AGXT2: variants seen among roughly 807,000 people sequenced by gnomAD.
AGXT2 encodes the protein alanine--glyoxylate aminotransferase 2, also known as alanine--glyoxylate aminotransferase 2, mitochondrial.
A neutral mutation model predicts 62.5 loss-of-function variants in AGXT2; 61 were observed. That is an observed-to-expected ratio of 0.98 (90% CI 0.79 to 1.21). The LOEUF (loss-of-function observed/expected upper bound fraction) is 1.21, where lower values mean the gene tolerates loss of function less well. Ranked by LOEUF, AGXT2 falls within the 50% of genes most tolerant of loss-of-function variation. AGXT2 has a pLI of 0.00. For missense variants in AGXT2, 666 were observed against 641.5 expected, an observed-to-expected ratio of 1.04 and a Z score of -0.41; for synonymous variants, 243 against 218.7, an observed-to-expected ratio of 1.11 and a Z score of -0.98.
intron 5 of AGXT2, 129 bp from the exon 6 acceptor site, chr5:35,033,682 A>G (rs184049619): frequency 8.3e-5 from 61 of 730,666 alleles, no homozygotes; most frequent in Admixed American, 4.1e-4. Context: ...ATTTCTAAGA[A>G]CGCATCTAAG....
At chr5:35,003,897 GT>G in intron 12 of AGXT2, 36 bp from the exon 13 acceptor site, 2 of 1,590,716 alleles carry the variant, frequency 1.3e-6, no homozygotes, top group Non-Finnish European at 8.6e-7. Flanking sequence ...TCTATTTGGT[GT>G]TGGAATGGTT....
intron 9 of AGXT2, 98 bp downstream of exon 9, chr5:35,025,665 G>A (rs344515): frequency 0.63 from 819,665 of 1,305,670 alleles, 258,513 homozygotes; most frequent in Admixed American, 0.73. Flanking sequence ...TCACAGAGCA[G>A]AGGCTTTCTG....
intron 13 of AGXT2, among the ~76,000 whole-genome samples, chr5:35,001,616 G>C (rs1415061965): frequency 5.3e-5 from 8 of 152,240 alleles, no homozygotes; most frequent in African/African-American, 1.9e-4. Flanking sequence ...CAAAGTGTTA[G>C]GACAGTGCCT....
chr5:35,026,965 T>G, intron 7 of AGXT2: 1 of 985,386 alleles, frequency 1.0e-6, no homozygotes, highest in Non-Finnish European at 1.2e-6. Flanking sequence ...AAAGTGTCTT[T>G]GTCTTTAGAG....
chr5:35,025,935 A>G, intron 8 of AGXT2, 80 bp from the exon 9 acceptor site: 1 of 1,145,458 alleles, frequency 8.7e-7, no homozygotes, highest in South Asian at 1.3e-5. Context: ...GATCATCATT[A>G]TCATCATTAT....
intron 9 of AGXT2, among the ~76,000 whole-genome samples, chr5:35,023,782 G>A (rs1372434950): frequency 6.6e-6 from 1 of 152,124 alleles, no homozygotes; most frequent in Admixed American, 6.6e-5. Flanking sequence ...AATACACCTG[G>A]GCATAACAGA....
intron 5 of AGXT2, among the ~76,000 whole-genome samples, chr5:35,033,785 C>T (rs529082806): frequency 2.0e-5 from 3 of 152,206 alleles, no homozygotes; most frequent in Non-Finnish European, 4.4e-5. Flanking sequence ...AACATTTGTC[C>T]AAGAACTCCA....
intron 1 of AGXT2, among the ~76,000 whole-genome samples, chr5:35,042,159 G>C (rs1028332065): frequency 1.3e-5 from 2 of 152,154 alleles, no homozygotes; most frequent in Non-Finnish European, 2.9e-5. Context: ...CAAGGTTATA[G>C]GATTTATGAA....
In AGXT2 at chr5:34,998,408, C is replaced by A; in HGVS notation, c.*311G>T. 2.8e-6 allele frequency: 1 copy of A among 360,844 alleles called. No homozygotes were observed. The highest frequency in any genetic ancestry group is 3.6e-5 in the South Asian group (1 of 27,522). The allele number at this position is 360,844 out of a possible 1,614,324, so 22.4% of individuals were successfully genotyped here. A position where few individuals can be genotyped will look rare whatever the true frequency, so the allele number is the denominator to read the frequency against. On this transcript the variant is annotated 3_prime_UTR_variant, in exon 14 of 14. Transcript: ENST00000231420. Reference sequence around the variant, plus strand: ...AGATTTTTCTTCAAGATTCACTGGACAAAAATACATCACATATTCATGCAT... The same window carrying A: ...AGATTTTTCTTCAAGATTCACTGGAAAAAAATACATCACATATTCATGCAT...
chr5:35,001,603 A>C (rs1766227735), intron 13 of AGXT2, among the ~76,000 whole-genome samples: 1 of 152,192 alleles, frequency 6.6e-6, no homozygotes, highest in African/African-American at 2.4e-5. Context: ...GAGTCAGTTC[A>C]TGCAAAGTGT....
At position 35,013,016 on chromosome 5, in the gene AGXT2, G is replaced by T; in HGVS notation, c.1126C>A (p.Gln376Lys). ...EIAKSLAKCL[Q>K]HFNTFGGNPM... ...TTCCCTCCAAAGGTGTTGAAGTGCT[G>T]CAGGCATTTCGCCAAAGATTTGGCA... is the stretch of plus-strand genomic sequence containing the variant. The change falls in exon 11 of 14, where the codon CAG (glutamine) becomes AAG (lysine). Residue 376 changes from glutamine to lysine, a missense_variant. Physicochemically the swap from Gln to Lys is moderately conservative, Grantham distance 53. Coordinates refer to ENST00000231420, the MANE Select transcript of AGXT2 (RefSeq NM_031900.4). 3 of 1,551,716 alleles carry T rather than the reference G, an allele frequency of 1.9e-6. No homozygotes were observed. The highest frequency in any genetic ancestry group is 1.7e-6 in the Non-Finnish European group (2 of 1,146,984).
At chr5:35,015,031 G>GT (rs1041873729) in intron 9 of AGXT2, among the ~76,000 whole-genome samples, 2 of 152,292 alleles carry the variant, frequency 1.3e-5, no homozygotes, top group Admixed American at 6.5e-5. Context: ...GTTGACCTTA[G>GT]TTTTTTTGTG....
Position 35,040,567 on chromosome 5 carries a change from A to C in AGXT2, c.177+8T>G. 6.2e-7 allele frequency: 1 copy of C among 1,612,168 alleles called. No homozygotes were observed. The highest frequency in any genetic ancestry group is 1.3e-5 in the African/African-American group (1 of 75,008). ...CTCTTTGAGTTTTCTTAAAGCCCTG[A>C]ATCTCACCTGGTATCTTTCAGGCAT... On this transcript the variant is annotated splice_region_variant and intron_variant, in intron 2 of 13. Coordinates refer to ENST00000231420, the MANE Select transcript of AGXT2 (RefSeq NM_031900.4).
At chr5:35,045,661 G>C (rs11952373) in intron 1 of AGXT2, among the ~76,000 whole-genome samples, 43,821 of 151,914 alleles carry the variant, frequency 0.29, 6,967 homozygotes, top group Non-Finnish European at 0.37. Flanking sequence ...CCTAGGTAGA[G>C]TAGGTAAGAA....
chr5:35,037,008 G>A lies in AGXT2; in HGVS notation c.420C>T (p.Val140=). The change falls in exon 4 of 14, where the codon GTC becomes GTT. Residue 140 remains valine (V), a synonymous_variant. Coordinates refer to ENST00000231420, the MANE Select transcript of AGXT2 (RefSeq NM_031900.4). ...QLGRLWHTST[V]FFHPPMHEYA... ...ATTCATGCATTGGAGGGTGGAAGAA[G>A]ACGGTGCTTGTATGCCACAGGCGGC... is the stretch of plus-strand genomic sequence containing the variant. 6.2e-7 allele frequency: 1 copy of A among 1,614,204 alleles called. No homozygotes were observed. Among genetic ancestry groups the A allele is most frequent in the East Asian group, 2.2e-5 (1 of 44,876 alleles).
At chr5:35,036,864 C>A (rs1767785666) in intron 4 of AGXT2, 78 bp downstream of exon 4, 1 of 1,603,146 alleles carries the variant, frequency 6.2e-7, no homozygotes, top group Non-Finnish European at 8.5e-7. Flanking sequence ...TCATAAGACT[C>A]CTGTCTCTTT....
intron 9 of AGXT2, among the ~76,000 whole-genome samples, chr5:35,020,710 G>A (rs1767037968): frequency 6.6e-6 from 1 of 152,186 alleles, no homozygotes; most frequent in Non-Finnish European, 1.5e-5. Context: ...CATAGTGTTG[G>A]AAGTTCTGGC....
At chr5:35,032,678 C>A in intron 7 of AGXT2, 54 bp downstream of exon 7, 8 of 1,440,926 alleles carry the variant, frequency 5.6e-6, no homozygotes, top group Non-Finnish European at 7.7e-6. Flanking sequence ...TGCCTTTATT[C>A]GTGTCCCTTC....
chr5:35,010,843 C>T (rs900424872), intron 11 of AGXT2, among the ~76,000 whole-genome samples: 2 of 152,148 alleles, frequency 1.3e-5, no homozygotes, highest in African/African-American at 4.8e-5. Context: ...AGAAATATCA[C>T]AGATGGTTTC....
Sources: allele counts gnomAD v4.1 joint callset (sites outside exome capture counted in the v4.1 genomes callset), GRCh38; gene constraint gnomAD v4.1.1; transcripts MANE v1.5; gene names NCBI Gene and HGNC (gene_info 2026-07-23, HGNC 2026-07-21).